Variants in HTR2C observed in about 807,000 individuals in gnomAD.
HTR2C encodes 5-hydroxytryptamine (serotonin) receptor 2C, G protein-coupled.
A neutral mutation model predicts 21.0 loss-of-function variants in HTR2C; 5 were observed. That is an observed-to-expected ratio of 0.24 (90% CI 0.12 to 0.50). HTR2C has a LOEUF of 0.50. Among genes scored for constraint, HTR2C ranks in the 20% least tolerant of loss-of-function variants. The pLI, the probability that HTR2C is intolerant of heterozygous loss-of-function variation, is 0.98. For synonymous variants in HTR2C, 150 were observed against 145.3 expected (o/e 1.03, Z -0.23); for missense variants, 271 against 371.2 (o/e 0.73, Z 2.22).
intron 1 of HTR2C, among the ~76,000 whole-genome samples, chrX:114,610,968 A>G (rs1420508758): frequency 8.9e-6 from 1 of 111,951 alleles, no homozygotes; most frequent in Non-Finnish European, 1.9e-5. Context: ...TTAAAATTTT[A>G]GAAATCGACA....
Position 114,726,099 on chromosome X carries a change from C to T in HTR2C, c.-79-759C>T, listed in dbSNP as rs372650827. ...CTAAGCAAGCCTGGGCAATGGCGGG[C>T]GCCCCTCCCCCAGCCTCACTGCCAC... On this transcript the variant is annotated intron_variant, in intron 2 of 5. Transcript: ENST00000276198. 2.3e-4 allele frequency among the ~76,000 whole-genome samples: 26 copies of T among 112,129 alleles called. No homozygotes were observed. The East Asian group carries it at 5.7e-3, about 25-fold the overall frequency.
chrX:114,768,832 A>G (rs1556436072), intron 4 of HTR2C, among the ~76,000 whole-genome samples: 1 of 111,422 alleles, frequency 9.0e-6, no homozygotes, highest in African/African-American at 3.2e-5. Context: ...AAATGACTAA[A>G]CAAAAGATGG....
chrX:114,747,362 A>G (rs1556426486), intron 4 of HTR2C, among the ~76,000 whole-genome samples: 2 of 112,309 alleles, frequency 1.8e-5, no homozygotes, highest in African/African-American at 3.2e-5. Context: ...CTTATTCAAC[A>G]TCATACTGCA....
intron 5 of HTR2C, among the ~76,000 whole-genome samples, chrX:114,887,265 A>G (rs2071226890): frequency 1.8e-5 from 2 of 111,472 alleles, no homozygotes; most frequent in African/African-American, 6.5e-5. Flanking sequence ...CTTTTGTGAT[A>G]GTTGTGTTAT....
chrX:114,906,871 C>G lies in HTR2C; in HGVS notation c.833C>G (p.Ala278Gly), dbSNP rs146559807. 9.9e-6 allele frequency: 12 copies of G among 1,208,841 alleles called. No individual in the cohort carries two copies. In the African/African-American group the frequency reaches 1.9e-4, roughly 20 times the overall value. The change falls in exon 6 of 6, where the codon GCA becomes GGA. Residue 278 changes from alanine to glycine, a missense_variant. By Grantham distance (60) the Ala-to-Gly change is moderately conservative (BLOSUM62 0). This residue lies in a region of HTR2C where 192 missense variants were observed against 247.2 expected (regional missense o/e 0.78). Coordinates refer to ENST00000276198, the MANE Select transcript of HTR2C (RefSeq NM_000868.4). The part of the protein sequence containing the change: ...KRNTAEEENS[A>G]NPNQDQNARR... ...AATACGGCCGAGGAAGAGAACTCTG[C>G]AAACCCTAACCAAGACCAGAACGCA...
intron 4 of HTR2C, chrX:114,774,973 A>G (rs782621764): frequency 2.0e-5 from 10 of 505,950 alleles, no homozygotes; most frequent in Non-Finnish European, 2.9e-5. Flanking sequence ...GACTTTCTCC[A>G]GCTCTGTCTG....
intron 4 of HTR2C, among the ~76,000 whole-genome samples, chrX:114,742,727 A>ATTTTTTTTTTTTTTTT (rs1199987469): frequency 1.4e-5 from 1 of 71,346 alleles, no homozygotes; most frequent in Non-Finnish European, 2.6e-5. Context: ...TTTTTTTTTA[A>ATTTTTTTTTTTTTTTT]TTTTTTTTTT....
At chrX:114,807,532 A>C (rs1020472689) in intron 4 of HTR2C, among the ~76,000 whole-genome samples, 1 of 105,946 alleles carries the variant, frequency 9.4e-6, no homozygotes, top group Non-Finnish European at 1.9e-5. Flanking sequence ...TACCATATAT[A>C]TATATGGTAC....
chrX:114,770,895 A>G (rs1262569304), intron 4 of HTR2C, among the ~76,000 whole-genome samples: 1 of 100,549 alleles, frequency 9.9e-6, no homozygotes, highest in Non-Finnish European at 2.0e-5. Flanking sequence ...TCCGCCTCCC[A>G]GGTTCAAGTG....
intron 4 of HTR2C, among the ~76,000 whole-genome samples, chrX:114,814,949 T>A (rs2070570800): frequency 9.7e-6 from 1 of 103,175 alleles, no homozygotes; most frequent in African/African-American, 3.5e-5. Flanking sequence ...TATACTATAT[T>A]ATATATTATA....
chrX:114,590,228 T>C (rs1409244462), intron 1 of HTR2C, among the ~76,000 whole-genome samples: 1 of 111,779 alleles, frequency 8.9e-6, no homozygotes, highest in Non-Finnish European at 1.9e-5. Flanking sequence ...CTTGGAAAAA[T>C]TCTAAATATG....
At chrX:114,787,202 A>G (rs2070184140) in intron 4 of HTR2C, among the ~76,000 whole-genome samples, 1 of 112,058 alleles carries the variant, frequency 8.9e-6, no homozygotes, top group Non-Finnish European at 1.9e-5. Flanking sequence ...CTGGTTCCCC[A>G]GAGGACTATA....
At chrX:114,842,662 C>T (rs1294773487) in intron 4 of HTR2C, among the ~76,000 whole-genome samples, 1 of 111,893 alleles carries the variant, frequency 8.9e-6, no homozygotes, top group East Asian at 2.8e-4. Flanking sequence ...CACCTGTGAC[C>T]GGGCTGTCCA....
intron 1 of HTR2C, among the ~76,000 whole-genome samples, chrX:114,606,599 T>G (rs945822227): frequency 2.7e-5 from 3 of 111,637 alleles, no homozygotes; most frequent in African/African-American, 6.5e-5. Flanking sequence ...AAGTGGTTGA[T>G]GGACAGTGAG....
rs1927298683 is a variant in HTR2C at position 114,584,444 on chromosome X, G to C, written c.-362G>C. The C allele has an allele frequency of 8.9e-6, 1 of 112,925 alleles. No homozygotes were observed. Among genetic ancestry groups the C allele is most frequent in the African/African-American group, 3.2e-5 (1 of 31,049 alleles). 9.3% of individuals were successfully genotyped at this position (112,925 alleles called of 1,213,427 possible). A position where few individuals can be genotyped will look rare whatever the true frequency, so the allele number is the denominator to read the frequency against. On this transcript the variant is annotated 5_prime_UTR_variant, in exon 1 of 6. Coordinates refer to ENST00000276198, the MANE Select transcript of HTR2C (RefSeq NM_000868.4). The stretch of plus-strand genomic sequence containing the variant: ...AGCCAAACCTAGCCGGGGGGCGCAC[G>C]GTCACCCAAAGGAGGTCGACTCGCC...
At chrX:114,607,546 T>G (rs914618597) in intron 1 of HTR2C, among the ~76,000 whole-genome samples, 16 of 112,257 alleles carry the variant, frequency 1.4e-4, no homozygotes, top group African/African-American at 4.9e-4. Context: ...TCTTATTCAA[T>G]TTTTTAATAT....
At chrX:114,607,097 T>C (rs1302405094) in intron 1 of HTR2C, among the ~76,000 whole-genome samples, 1 of 109,927 alleles carries the variant, frequency 9.1e-6, no homozygotes, top group Non-Finnish European at 1.9e-5. Flanking sequence ...CCATTTACAC[T>C]TCTTTTGTGG....
At chrX:114,653,722 A>G (rs781979994) in intron 2 of HTR2C, among the ~76,000 whole-genome samples, 96 of 110,475 alleles carry the variant, frequency 8.7e-4, no homozygotes, top group Non-Finnish European at 1.5e-3. Flanking sequence ...ACCATTCTAT[A>G]TCTAGCTACA....
intron 2 of HTR2C, among the ~76,000 whole-genome samples, chrX:114,724,234 C>A (rs1198478032): frequency 1.1e-5 from 1 of 92,071 alleles, no homozygotes; most frequent in African/African-American, 3.8e-5. Context: ...GGATAGTTAG[C>A]TCTTCTTGTT....
Sources: gnomAD v4.1 joint callset for allele counts (sites outside exome capture counted in the v4.1 genomes callset) on GRCh38, gnomAD v4.1.1 for gene constraint, gnomAD v4.1.1 regional missense constraint, MANE v1.5 for transcripts, NCBI Gene and HGNC (gene_info 2026-07-23, HGNC 2026-07-21) for gene names.